UNC5D: variants seen among roughly 807,000 people sequenced by gnomAD.
UNC5D encodes the protein netrin receptor UNC5D.
UNC5D carries 39 observed loss-of-function variants against 105.4 expected under a neutral mutation model. That is an observed-to-expected ratio of 0.37 (90% CI 0.29 to 0.48). The LOEUF (loss-of-function observed/expected upper bound fraction) is 0.48. UNC5D is among the 20% of genes least tolerant of loss of function. The probability of loss-of-function intolerance (pLI) is 0.98; values close to 1 mark genes in which losing one functional copy is unlikely to be tolerated. For synonymous variants in UNC5D, 452 were observed against 450.4 expected (o/e 1.00, Z -0.04); for missense variants, 991 against 1,202.4 (o/e 0.82, Z 2.60).
chr8:35,321,350 C>G (rs946068874), intron 1 of UNC5D, among the ~76,000 whole-genome samples: 1 of 152,078 alleles, frequency 6.6e-6, no homozygotes. Flanking sequence ...AGGGAGAGAC[C>G]AGGTGGAGGT....
rs756501270 is a variant in UNC5D, at chr8:35,774,385, C to T, written c.2565C>T (p.Tyr855=). The T allele has an allele frequency of 1.2e-6, 2 of 1,614,130 alleles. No homozygotes were observed. The highest frequency in any genetic ancestry group is 2.2e-5 in the East Asian group (1 of 44,848). Residue 855 remains tyrosine (Y), a synonymous_variant, in exon 16 of 17, where the codon TAC becomes TAT. Transcript: ENST00000404895. The part of the protein sequence containing the change: ...QTGPKAFKIP[Y]SIRQRICATF... ...GCCCCAAAGCCTTCAAAATTCCCTA[C>T]TCCATCAGACAGCGGATTTGTGCTA...
chr8:35,305,577 T>TTCTTTCTCTTTCTTTC (rs1339138456), intron 1 of UNC5D, among the ~76,000 whole-genome samples: 5 of 54,026 alleles, frequency 9.3e-5, no homozygotes, highest in African/African-American at 3.3e-4. Flanking sequence ...CTTTCTTTCT[T>TTCTTTCTCTTTCTTTC]TTTCTTTCTT....
chr8:35,665,406 G>T (rs1463679130), intron 4 of UNC5D, among the ~76,000 whole-genome samples: 1 of 152,104 alleles, frequency 6.6e-6, no homozygotes, highest in Non-Finnish European at 1.5e-5. Context: ...TGAGTGGCAT[G>T]CAGGATCCAG....
intron 4 of UNC5D, among the ~76,000 whole-genome samples, chr8:35,672,654 A>C (rs1240540329): frequency 6.6e-6 from 1 of 152,110 alleles, no homozygotes; most frequent in African/African-American, 2.4e-5. Flanking sequence ...TTTTGATTAC[A>C]TCTCTCTCCC....
chr8:35,583,042 G>T (rs1818555752), intron 3 of UNC5D, among the ~76,000 whole-genome samples: 1 of 152,148 alleles, frequency 6.6e-6, no homozygotes, highest in African/African-American at 2.4e-5. Flanking sequence ...TCAGAAAAGG[G>T]ATACTTGACA....
intron 4 of UNC5D, among the ~76,000 whole-genome samples, chr8:35,642,395 T>G (rs2131137792): frequency 6.6e-6 from 1 of 152,190 alleles, no homozygotes. Context: ...ATTCTTGAGG[T>G]TTTCAGGACT....
intron 1 of UNC5D, among the ~76,000 whole-genome samples, chr8:35,501,216 G>C (rs1811946998): frequency 6.6e-6 from 1 of 152,234 alleles, no homozygotes; most frequent in Non-Finnish European, 1.5e-5. Context: ...CATCTATCTA[G>C]AAAGGCTTAG....
chr8:35,669,798 C>T (rs959722597), intron 4 of UNC5D, among the ~76,000 whole-genome samples: 1 of 152,044 alleles, frequency 6.6e-6, no homozygotes, highest in African/African-American at 2.4e-5. Flanking sequence ...GGAAATCATC[C>T]GTCCCTTATT....
At chr8:35,323,844 G>T (rs1809939647) in intron 1 of UNC5D, among the ~76,000 whole-genome samples, 1 of 152,072 alleles carries the variant, frequency 6.6e-6, no homozygotes, top group African/African-American at 2.4e-5. Flanking sequence ...TCCTTGTTGG[G>T]CTTGCAGGTT....
chr8:35,444,635 A>G (rs1807655715), intron 1 of UNC5D, among the ~76,000 whole-genome samples: 1 of 152,008 alleles, frequency 6.6e-6, no homozygotes, highest in Non-Finnish European at 1.5e-5. Context: ...AGCCTTAGGA[A>G]GATCAATGGC....
At chr8:35,303,457 A>G (rs972490737) in intron 1 of UNC5D, among the ~76,000 whole-genome samples, 23 of 152,198 alleles carry the variant, frequency 1.5e-4, no homozygotes, top group African/African-American at 5.5e-4. Flanking sequence ...ACATGGCTAA[A>G]CAGTGTAGGT....
intron 1 of UNC5D, among the ~76,000 whole-genome samples, chr8:35,500,056 C>T (rs1585987751): frequency 6.6e-6 from 1 of 152,172 alleles, no homozygotes; most frequent in Admixed American, 6.6e-5. Context: ...TCACCCTCAC[C>T]TTTCATTTTA....
At chr8:35,785,291 C>T (rs1802693323) in intron 16 of UNC5D, among the ~76,000 whole-genome samples, 1 of 152,114 alleles carries the variant, frequency 6.6e-6, no homozygotes, top group Non-Finnish European at 1.5e-5. Flanking sequence ...AATCATAATG[C>T]ATTTGCACAC....
At chr8:35,572,735 T>C (rs1025063915) in intron 3 of UNC5D, among the ~76,000 whole-genome samples, 3 of 152,130 alleles carry the variant, frequency 2.0e-5, no homozygotes, top group African/African-American at 7.2e-5. Flanking sequence ...ACCAGGATGC[T>C]ATTAAAATGC....
intron 4 of UNC5D, among the ~76,000 whole-genome samples, chr8:35,678,106 A>G (rs1212903412): frequency 6.6e-6 from 1 of 152,092 alleles, no homozygotes; most frequent in Non-Finnish European, 1.5e-5. Context: ...CCTATGAGTG[A>G]TTGGGGGTAG....
intron 11 of UNC5D, among the ~76,000 whole-genome samples, chr8:35,745,584 AAAG>A (rs1250976374): frequency 1.3e-5 from 2 of 152,344 alleles, no homozygotes; most frequent in African/African-American, 4.8e-5. Flanking sequence ...GTCATCTCAG[AAAG>A]CAGAGTTCCT....
At chr8:35,282,495 G>A (rs1050895892) in intron 1 of UNC5D, among the ~76,000 whole-genome samples, 4 of 152,076 alleles carry the variant, frequency 2.6e-5, no homozygotes, top group African/African-American at 9.7e-5. Flanking sequence ...TAGGGCATAA[G>A]GAGTTGTCAG....
chr8:35,622,165 A>C (rs1232011721), intron 4 of UNC5D, among the ~76,000 whole-genome samples: 1 of 152,154 alleles, frequency 6.6e-6, no homozygotes, highest in Non-Finnish European at 1.5e-5. Context: ...AACATGGTGA[A>C]ACCCCATCTC....
intron 1 of UNC5D, among the ~76,000 whole-genome samples, chr8:35,471,352 T>C (rs938759933): frequency 6.6e-6 from 1 of 152,146 alleles, no homozygotes; most frequent in Non-Finnish European, 1.5e-5. Flanking sequence ...AATTGAGGAA[T>C]TAGGCAGTGT....
Sources: allele counts gnomAD v4.1 joint callset (sites outside exome capture counted in the v4.1 genomes callset), GRCh38; gene constraint gnomAD v4.1.1; transcripts MANE v1.5; gene names NCBI Gene and HGNC (gene_info 2026-07-23, HGNC 2026-07-21).